SESTD1: variants seen among roughly 807,000 people sequenced by gnomAD.
SESTD1 encodes the protein SEC14 and spectrin domain containing 1, also known as SEC14 domain and spectrin repeat-containing protein 1.
A neutral mutation model predicts 101.7 loss-of-function variants in SESTD1; 43 were observed. That is an observed-to-expected ratio of 0.42 (90% confidence interval 0.33 to 0.55). The LOEUF is 0.55. Among genes scored for constraint, SESTD1 ranks in the 20% least tolerant of loss-of-function variants. The probability of loss-of-function intolerance (pLI) is 0.07; values close to 1 mark genes in which losing one functional copy is unlikely to be tolerated. For missense variants in SESTD1, 647 were observed against 815.1 expected, an observed-to-expected ratio of 0.79 and a Z score of 2.51; for synonymous variants, 283 against 286.8, an observed-to-expected ratio of 0.99 and a Z score of 0.13.
chr2:179,145,218 C>T (rs777690527), intron 8 of SESTD1, among the ~76,000 whole-genome samples: 1 of 151,964 alleles, frequency 6.6e-6, no homozygotes, highest in Non-Finnish European at 1.5e-5. Flanking sequence ...TGACAATTGT[C>T]ACCCTTGATT....
chr2:179,215,716 G>A (rs1559146983), intron 1 of SESTD1, among the ~76,000 whole-genome samples: 3 of 134,624 alleles, frequency 2.2e-5, no homozygotes, highest in African/African-American at 5.9e-5. Context: ...CAATATCCCC[G>A]ATGAACACTG....
At chr2:179,217,694 G>A (rs991296415) in intron 1 of SESTD1, among the ~76,000 whole-genome samples, 2 of 152,148 alleles carry the variant, frequency 1.3e-5, no homozygotes, top group Non-Finnish European at 1.5e-5. Context: ...TGTTTACTGC[G>A]GCACTATTCA....
chr2:179,261,548 A>C (rs538855006), intron 1 of SESTD1, among the ~76,000 whole-genome samples: 1 of 152,310 alleles, frequency 6.6e-6, no homozygotes, highest in African/African-American at 2.4e-5. Flanking sequence ...GGCCAATAAA[A>C]ACATGATAAG....
At chr2:179,158,114 C>A (rs1187071598) in intron 5 of SESTD1, among the ~76,000 whole-genome samples, 4 of 152,070 alleles carry the variant, frequency 2.6e-5, no homozygotes, top group Non-Finnish European at 4.4e-5. Context: ...CTAGTTCTGC[C>A]ACAAATTCAC....
chr2:179,173,594 GATA>G (rs554942598), intron 4 of SESTD1, among the ~76,000 whole-genome samples: 87 of 152,266 alleles, frequency 5.7e-4, no homozygotes, highest in Non-Finnish European at 1.0e-3. Context: ...ACTTGTCTAA[GATA>G]ACAGAGTTAA....
chr2:179,218,706 T>G (rs895767254), intron 1 of SESTD1, among the ~76,000 whole-genome samples: 2 of 152,220 alleles, frequency 1.3e-5, no homozygotes, highest in African/African-American at 4.8e-5. Context: ...TTTCCTAGTT[T>G]AACTATCTTT....
chr2:179,144,888 T>C (rs923244639), intron 8 of SESTD1, among the ~76,000 whole-genome samples: 24 of 151,946 alleles, frequency 1.6e-4, no homozygotes, highest in Non-Finnish European at 2.8e-4. Context: ...TAAAAAGCTT[T>C]CAAGCTGCTA....
chr2:179,226,397 G>A (rs544428983), intron 1 of SESTD1, among the ~76,000 whole-genome samples: 1 of 152,312 alleles, frequency 6.6e-6, no homozygotes, highest in East Asian at 1.9e-4. Context: ...TGGCAATGGA[G>A]ACATTTATTC....
In SESTD1 at chr2:179,206,750, G is replaced by C. The variant is rs1196297661; in HGVS notation, c.-25-14884C>G. ...CTGACCATGCAGGTGGGCAGGCAGGGAGGTGAGAGACCTGAGAGCCCTGCT... is the reference window on the plus strand; with the variant it reads ...CTGACCATGCAGGTGGGCAGGCAGGCAGGTGAGAGACCTGAGAGCCCTGCT... On this transcript the variant is annotated intron_variant, in intron 1 of 17. Coordinates refer to ENST00000428443, the MANE Select transcript of SESTD1 (RefSeq NM_178123.5). Among the ~76,000 whole-genome samples the C allele has an allele frequency of 1.5e-5, 2 of 134,874 alleles. 1 individual carries two copies. The highest frequency in any genetic ancestry group is 3.2e-5 in the Non-Finnish European group (2 of 62,754). The allele number at this position is 134,874 out of a possible 152,430, so 88.5% of individuals were successfully genotyped here. A position where few individuals can be genotyped will look rare whatever the true frequency, so the allele number is the denominator to read the frequency against.
chr2:179,169,655 A>G (rs1463663067), intron 5 of SESTD1, among the ~76,000 whole-genome samples: 1 of 152,174 alleles, frequency 6.6e-6, no homozygotes, highest in Non-Finnish European at 1.5e-5. Context: ...GATAGAACAC[A>G]TAGTGTGTCA....
chr2:179,175,256 C>T (rs1434731530), intron 4 of SESTD1, among the ~76,000 whole-genome samples: 2 of 152,140 alleles, frequency 1.3e-5, no homozygotes, highest in African/African-American at 4.8e-5. Flanking sequence ...AGCACTAAAA[C>T]TAGAACTAAA....
At chr2:179,238,128 T>C (rs1482784091) in intron 1 of SESTD1, among the ~76,000 whole-genome samples, 1 of 152,126 alleles carries the variant, frequency 6.6e-6, no homozygotes, top group African/African-American at 2.4e-5. Context: ...GAAGAGAACA[T>C]ATATTTACTA....
intron 4 of SESTD1, among the ~76,000 whole-genome samples, chr2:179,173,878 C>G (rs1355375808): frequency 6.6e-6 from 1 of 152,116 alleles, no homozygotes; most frequent in Non-Finnish European, 1.5e-5. Flanking sequence ...AACCTCTGTT[C>G]TAGACCATAA....
chr2:179,171,928 T>C (rs1320708664), intron 5 of SESTD1, among the ~76,000 whole-genome samples, 192 bp downstream of exon 5: 4 of 152,190 alleles, frequency 2.6e-5, no homozygotes, highest in Admixed American at 1.3e-4. Flanking sequence ...AAAGCTTTCA[T>C]GATCTTTAAC....
intron 1 of SESTD1, among the ~76,000 whole-genome samples, chr2:179,226,550 C>T (rs1404703063): frequency 6.6e-6 from 1 of 152,112 alleles, no homozygotes. Context: ...TCCACAATAT[C>T]CACTCACGCT....
intron 1 of SESTD1, among the ~76,000 whole-genome samples, chr2:179,239,996 CCAGT>C (rs1455529695): frequency 1.3e-5 from 2 of 152,124 alleles, no homozygotes; most frequent in African/African-American, 2.4e-5. Flanking sequence ...AACTGATGAT[CCAGT>C]CAAATACCTA....
At chr2:179,189,275 A>G (rs1220547623) in intron 2 of SESTD1, among the ~76,000 whole-genome samples, 2 of 152,198 alleles carry the variant, frequency 1.3e-5, no homozygotes, top group Non-Finnish European at 2.9e-5. Context: ...TTCAACATGC[A>G]CAAATCAATA....
intron 1 of SESTD1, among the ~76,000 whole-genome samples, chr2:179,250,597 G>A (rs73045869): frequency 7.9e-4 from 120 of 152,216 alleles, no homozygotes; most frequent in African/African-American, 2.7e-3. Flanking sequence ...TTTCCTTTGT[G>A]TGCACATATC....
chr2:179,168,419 A>C (rs928071486), intron 5 of SESTD1, among the ~76,000 whole-genome samples: 3 of 152,236 alleles, frequency 2.0e-5, no homozygotes, highest in African/African-American at 7.2e-5. Flanking sequence ...TTAAGTTCTT[A>C]GAAAGTCAAA....
Sources: allele counts gnomAD v4.1 joint callset (sites outside exome capture counted in the v4.1 genomes callset), GRCh38; gene constraint gnomAD v4.1.1; transcripts MANE v1.5; gene names NCBI Gene and HGNC (gene_info 2026-07-23, HGNC 2026-07-21).